The following NAALADL2 variants were observed in gnomAD, a reference collection of about 807,000 sequenced individuals.
The protein encoded by NAALADL2 is N-acetylated alpha-linked acidic dipeptidase like 2.
In NAALADL2, 76 loss-of-function variants were observed where a neutral mutation model predicts 87.2. That is an observed-to-expected ratio of 0.87 (90% CI 0.72 to 1.05). NAALADL2 has a LOEUF of 1.05. NAALADL2 is among the 50% of genes least tolerant of loss of function. The probability of loss-of-function intolerance (pLI) is 0.00; values close to 1 mark genes in which losing one functional copy is unlikely to be tolerated. For missense variants in NAALADL2, 1,089 were observed against 945.8 expected (o/e 1.15, Z -1.99); for synonymous variants, 354 against 331.0 (o/e 1.07, Z -0.75).
At chr3:174,681,162 G>A (rs1435400626) in intron 2 of NAALADL2, among the ~76,000 whole-genome samples, 2 of 152,094 alleles carry the variant, frequency 1.3e-5, no homozygotes, top group African/African-American at 4.8e-5. Flanking sequence ...CAGCCAGAGG[G>A]GTATCACCCA....
chr3:175,802,543 C>T (rs886843045), intron 13 of NAALADL2, among the ~76,000 whole-genome samples: 1 of 147,084 alleles, frequency 6.8e-6, no homozygotes, highest in African/African-American at 2.7e-5. Context: ...TCTATAGGTT[C>T]CCCCTGCATT....
intron 13 of NAALADL2, among the ~76,000 whole-genome samples, chr3:175,798,170 A>T (rs1261516275): frequency 6.6e-6 from 1 of 152,104 alleles, no homozygotes; most frequent in Non-Finnish European, 1.5e-5. Context: ...AATTTAAAGA[A>T]GATATTTTTG....
chr3:174,493,819 A>C (rs1319058995), intron 1 of NAALADL2, among the ~76,000 whole-genome samples: 2 of 152,236 alleles, frequency 1.3e-5, no homozygotes, highest in Non-Finnish European at 2.9e-5. Flanking sequence ...CACAAAAATA[A>C]ATTTAATGTA....
At chr3:175,315,062 G>A (rs1758964669) in intron 4 of NAALADL2, among the ~76,000 whole-genome samples, 1 of 151,960 alleles carries the variant, frequency 6.6e-6, no homozygotes, top group South Asian at 2.1e-4. Context: ...TTTACTGTGG[G>A]CATACAAATA....
In NAALADL2 at chr3:175,514,910, A is replaced by G. The variant is rs535013335; in HGVS notation, c.1653+43152A>G. Among the ~76,000 whole-genome samples the G allele has an allele frequency of 1.8e-3, 271 of 152,328 alleles. 1 individual carries two copies. Among genetic ancestry groups the G allele is most frequent in the Non-Finnish European group, 3.1e-3 (209 of 68,024 alleles). ...GATTCTGCCTGAGTGTCTAGTCTCT[A>G]TAGCACAGTGTCTCTTCACTGGGGA... is the stretch of plus-strand genomic sequence containing the variant. On this transcript the variant is annotated intron_variant, in intron 9 of 13. Coordinates refer to ENST00000454872, the MANE Select transcript of NAALADL2 (RefSeq NM_207015.3).
intron 1 of NAALADL2, among the ~76,000 whole-genome samples, chr3:174,977,373 C>T (rs957982745): frequency 1.3e-5 from 2 of 152,174 alleles, no homozygotes. Context: ...GATCCACCCA[C>T]CTCGGCCTCC....
chr3:174,882,508 T>TGC (rs1201509575), intron 1 of NAALADL2, among the ~76,000 whole-genome samples: 3 of 144,520 alleles, frequency 2.1e-5, no homozygotes, highest in Non-Finnish European at 3.0e-5. Flanking sequence ...TATATGTGTA[T>TGC]ATACATATGT....
intron 3 of NAALADL2, among the ~76,000 whole-genome samples, chr3:175,246,429 T>C (rs1480585655): frequency 6.6e-6 from 1 of 152,076 alleles, no homozygotes; most frequent in East Asian, 1.9e-4. Context: ...GAGTCTCTCT[T>C]AGAGAACGAG....
intron 2 of NAALADL2, among the ~76,000 whole-genome samples, chr3:174,676,515 AGTT>A (rs1727053595): frequency 6.6e-6 from 1 of 152,046 alleles, no homozygotes; most frequent in African/African-American, 2.4e-5. Context: ...TAATAGCCGT[AGTT>A]GTATAATTGA....
intron 4 of NAALADL2, among the ~76,000 whole-genome samples, chr3:175,283,785 A>G (rs1238176329): frequency 1.4e-5 from 2 of 147,386 alleles, no homozygotes; most frequent in Non-Finnish European, 3.1e-5. Context: ...TCCAGTGGTT[A>G]TTTGGCCACC....
intron 9 of NAALADL2, among the ~76,000 whole-genome samples, chr3:175,570,627 TC>T (rs1222028979): frequency 6.6e-6 from 1 of 152,084 alleles, no homozygotes; most frequent in East Asian, 1.9e-4. Flanking sequence ...ACACCTGTAG[TC>T]CCAGCACTTT....
chr3:174,618,713 A>G (rs1008621424), intron 2 of NAALADL2, among the ~76,000 whole-genome samples: 1 of 151,882 alleles, frequency 6.6e-6, no homozygotes, highest in Non-Finnish European at 1.5e-5. Context: ...TAAGTTCAAA[A>G]GCACTTATAT....
chr3:175,493,938 G>T (rs1728464190), intron 9 of NAALADL2, among the ~76,000 whole-genome samples: 1 of 152,112 alleles, frequency 6.6e-6, no homozygotes, highest in Admixed American at 6.6e-5. Flanking sequence ...AGTAGGATTA[G>T]CTTGGATGTA....
intron 13 of NAALADL2, among the ~76,000 whole-genome samples, chr3:175,755,706 A>G (rs1026881673): frequency 1.3e-5 from 2 of 150,716 alleles, no homozygotes; most frequent in African/African-American, 5.0e-5. Context: ...AAATGGAATT[A>G]TAGGTTGCAC....
At chr3:175,789,033 A>T (rs1752459951) in intron 13 of NAALADL2, among the ~76,000 whole-genome samples, 1 of 152,068 alleles carries the variant, frequency 6.6e-6, no homozygotes, top group Non-Finnish European at 1.5e-5. Context: ...GAATTCCTTA[A>T]CTTCTTTAGA....
At chr3:175,194,110 T>C (rs112458432) in intron 2 of NAALADL2, among the ~76,000 whole-genome samples, 54 of 152,028 alleles carry the variant, frequency 3.6e-4, no homozygotes, top group African/African-American at 1.2e-3. Flanking sequence ...ATATTGTGCT[T>C]AAAATTTAAT....
chr3:174,882,829 ACG>A (rs375753005), intron 1 of NAALADL2, among the ~76,000 whole-genome samples: 5 of 139,124 alleles, frequency 3.6e-5, no homozygotes, highest in Middle Eastern at 4.1e-3. Context: ...GTATATATAC[ACG>A]TGTGTATATG....
chr3:175,118,193 G>A (rs1432072324), intron 2 of NAALADL2, among the ~76,000 whole-genome samples: 2 of 151,828 alleles, frequency 1.3e-5, no homozygotes, highest in African/African-American at 4.8e-5. Context: ...CACCAACATG[G>A]CACATGTATA....
intron 5 of NAALADL2, among the ~76,000 whole-genome samples, chr3:175,423,051 A>ATATATTT (rs1458599872): frequency 1.2e-4 from 11 of 91,506 alleles, no homozygotes; most frequent in Admixed American, 4.5e-4. Flanking sequence ...ATATATATAT[A>ATATATTT]TTTTTTTTTT....
Sources: allele counts gnomAD v4.1 joint callset (sites outside exome capture counted in the v4.1 genomes callset), GRCh38; gene constraint gnomAD v4.1.1; transcripts MANE v1.5; gene names NCBI Gene and HGNC (gene_info 2026-07-23, HGNC 2026-07-21).